The following KDM1A variants were observed in gnomAD, a reference collection of about 807,000 sequenced individuals.
KDM1A encodes lysine-specific histone demethylase 1A.
KDM1A carries 49 observed loss-of-function variants against 109.4 expected under a neutral mutation model. The observed-to-expected ratio is 0.45, with a 90% CI of 0.36 to 0.57. The LOEUF is 0.57. KDM1A is among the 20% of genes least tolerant of loss of function. The pLI is 0.00. For synonymous variants in KDM1A, 380 were observed against 415.4 expected, an observed-to-expected ratio of 0.91 and a Z score of 1.04; for missense variants, 668 against 1,116.6, an observed-to-expected ratio of 0.60 and a Z score of 5.73.
chr1:23,077,432 CTATCAGGTACATT>C, intron 16 of KDM1A, 72 bp downstream of exon 16: 1 of 1,475,086 alleles, frequency 6.8e-7, no homozygotes, highest in Non-Finnish European at 9.2e-7. Flanking sequence ...TAGGTGCGAC[CTATCAGGTACATT>C]TCCTGATAGA....
intron 3 of KDM1A, among the ~76,000 whole-genome samples, chr1:23,047,627 C>A (rs529713851): frequency 6.6e-6 from 1 of 152,098 alleles, no homozygotes; most frequent in Non-Finnish European, 1.5e-5. Flanking sequence ...TGAGGCCAGG[C>A]GCATTGGCTC....
At chr1:23,073,789 T>G (rs1643386275) in intron 15 of KDM1A, among the ~76,000 whole-genome samples, 1 of 152,238 alleles carries the variant, frequency 6.6e-6, no homozygotes, top group Non-Finnish European at 1.5e-5. Context: ...CTTAGTATAG[T>G]TTTTGAGATG....
intron 20 of KDM1A, 139 bp from the exon 21 acceptor site, chr1:23,083,038 ACT>A (rs1421927920): frequency 1.4e-6 from 1 of 697,594 alleles, no homozygotes; most frequent in Non-Finnish European, 2.4e-6. Context: ...GATAAGGGAG[ACT>A]CTTCGATAGA....
intron 11 of KDM1A, 62 bp from the exon 12 acceptor site, chr1:23,068,999 G>T: frequency 9.0e-7 from 1 of 1,115,414 alleles, no homozygotes; most frequent in Admixed American, 2.3e-5. Context: ...GTTTTTGATG[G>T]GCACCTGTCT....
At chr1:23,033,261 C>T (rs1642043219) in intron 2 of KDM1A, among the ~76,000 whole-genome samples, 1 of 152,162 alleles carries the variant, frequency 6.6e-6, no homozygotes, top group Non-Finnish European at 1.5e-5. Context: ...GGGCCAGGCG[C>T]GGTGGCTCCC....
chr1:23,077,981 C>T (rs1643513821), intron 16 of KDM1A, among the ~76,000 whole-genome samples: 1 of 152,152 alleles, frequency 6.6e-6, no homozygotes, highest in Non-Finnish European at 1.5e-5. Context: ...TGGTTTCAGG[C>T]TACATTTGAT....
At chr1:23,027,712 G>A (rs938816150) in intron 1 of KDM1A, among the ~76,000 whole-genome samples, 4 of 144,980 alleles carry the variant, frequency 2.8e-5, no homozygotes, top group East Asian at 2.1e-4. Context: ...TTGAGCCACC[G>A]CTCCCAGCCT....
chr1:23,030,728 C>A (rs1641956235), intron 2 of KDM1A, 94 bp downstream of exon 2: 4 of 1,321,522 alleles, frequency 3.0e-6, no homozygotes, highest in Non-Finnish European at 3.1e-6. Flanking sequence ...ATGTCTTTAT[C>A]TTTGGTTTAT....
intron 2 of KDM1A, among the ~76,000 whole-genome samples, chr1:23,031,519 T>C (rs1641979741): frequency 6.6e-6 from 1 of 152,176 alleles, no homozygotes; most frequent in Non-Finnish European, 1.5e-5. Context: ...TGCATGACTT[T>C]CGTAGGTACC....
At chr1:23,072,416 G>A (rs557079667) in intron 14 of KDM1A, among the ~76,000 whole-genome samples, 8 of 152,168 alleles carry the variant, frequency 5.3e-5, no homozygotes, top group Non-Finnish European at 8.8e-5. Flanking sequence ...TTTCTAAAGA[G>A]AGAGCCTTTC....
rs750886952 is a variant in KDM1A at position 23,069,054 on chromosome 1, C to G, written c.1323-7C>G. The G allele has an allele frequency of 1.3e-6, 2 of 1,596,854 alleles. No individual in the cohort carries two copies. Among genetic ancestry groups the G allele is most frequent in the African/African-American group, 1.3e-5 (1 of 74,152 alleles). On this transcript the variant is annotated splice_region_variant and splice_polypyrimidine_tract_variant and intron_variant, in intron 11 of 20. Transcript: ENST00000400181. ...TGAGAGCAGATTATACATATTGTCT[C>G]TCTTAGGTTACAAGAGAAGCATGTC... is the stretch of plus-strand genomic sequence containing the variant.
chr1:23,053,802 T>G lies in KDM1A; in HGVS notation c.753T>G (p.Phe251Leu), dbSNP rs1226768289. 1 of 1,610,318 alleles carries G rather than the reference T, an allele frequency of 6.2e-7. No homozygotes were observed. The highest frequency in any genetic ancestry group is 8.5e-7 in the Non-Finnish European group (1 of 1,176,780). Residue 251 changes from phenylalanine (F) to leucine (L), a missense_variant, in exon 5 of 21, where the codon TTT becomes TTG. Physicochemically the swap from Phe to Leu is conservative, Grantham distance 22. Coordinates refer to ENST00000400181, the MANE Select transcript of KDM1A (RefSeq NM_001009999.3). ...ATAATCCAAAGATTCAGCTGACATT[T>G]GAGGCTACTCTCCAACAATTAGAAG... Reference protein sequence around the residue: ...WLDNPKIQLTFEATLQQLEAP... With the variant: ...WLDNPKIQLTLEATLQQLEAP...
intron 2 of KDM1A, among the ~76,000 whole-genome samples, chr1:23,042,536 T>A (rs1642377831): frequency 7.7e-6 from 1 of 129,190 alleles, no homozygotes; most frequent in Admixed American, 9.1e-5. Flanking sequence ...CACTGCAAGC[T>A]CCGCCTCCCG....
chr1:23,048,006 C>G (rs1642551524), intron 3 of KDM1A, among the ~76,000 whole-genome samples: 1 of 151,794 alleles, frequency 6.6e-6, no homozygotes, highest in Non-Finnish European at 1.5e-5. Flanking sequence ...TAGTATTTTG[C>G]AGTAGAATGT....
intron 7 of KDM1A, 82 bp downstream of exon 7, chr1:23,056,120 T>C (rs1642823278): frequency 1.1e-6 from 1 of 928,822 alleles, no homozygotes; most frequent in Non-Finnish European, 1.8e-6. Context: ...TAAAGAATTA[T>C]ACAACTTGAA....
chr1:23,080,246 G>T (rs1237486335), intron 18 of KDM1A, among the ~76,000 whole-genome samples: 1 of 152,094 alleles, frequency 6.6e-6, no homozygotes, highest in African/African-American at 2.4e-5. Flanking sequence ...ACTGCCCAGT[G>T]GTGAATGGTC....
intron 2 of KDM1A, among the ~76,000 whole-genome samples, chr1:23,036,270 C>A (rs1206236105): frequency 6.6e-6 from 1 of 151,906 alleles, no homozygotes; most frequent in Admixed American, 6.6e-5. Context: ...AGCAGGAGAC[C>A]CTGTTTTGTA....
intron 3 of KDM1A, among the ~76,000 whole-genome samples, chr1:23,047,111 G>T (rs188546406): frequency 1.3e-5 from 2 of 152,194 alleles, no homozygotes; most frequent in South Asian, 2.1e-4. Context: ...TATCCAAAAT[G>T]GTGTCTATTA....
intron 14 of KDM1A, among the ~76,000 whole-genome samples, chr1:23,072,908 G>A (rs532330820): frequency 5.5e-4 from 83 of 152,194 alleles, no homozygotes; most frequent in African/African-American, 1.9e-3. Flanking sequence ...CCAAAGTGCT[G>A]GGATTACAGG....
Sources: allele counts gnomAD v4.1 joint callset (sites outside exome capture counted in the v4.1 genomes callset), GRCh38; gene constraint gnomAD v4.1.1; transcripts MANE v1.5; gene names NCBI Gene and HGNC (gene_info 2026-07-23, HGNC 2026-07-21).